Variants in RELN observed in about 807,000 individuals in gnomAD.
RELN encodes the protein reelin.
A neutral mutation model predicts 427.6 loss-of-function variants in RELN; 108 were observed. The observed-to-expected ratio is 0.25, with a 90% CI of 0.22 to 0.30. The LOEUF is 0.30. Ranked by LOEUF, RELN falls within the 10% of genes least tolerant of loss-of-function variation. The pLI is 1.00. For synonymous variants in RELN, 1,524 were observed against 1,513.4 expected (o/e 1.01, Z -0.16); for missense variants, 3,715 against 4,302.8 (o/e 0.86, Z 3.82).
At chr7:103,696,750 G>A (rs528665766) in intron 10 of RELN, among the ~76,000 whole-genome samples, 79 of 151,992 alleles carry the variant, frequency 5.2e-4, no homozygotes, top group African/African-American at 1.9e-3. Flanking sequence ...CCTCCTATTT[G>A]GTCTCTCTGC....
chr7:103,967,738 T>C (rs896786763), intron 1 of RELN, among the ~76,000 whole-genome samples: 1 of 152,202 alleles, frequency 6.6e-6, no homozygotes, highest in Non-Finnish European at 1.5e-5. Flanking sequence ...TTCACAAAAC[T>C]TTTCCCACAA....
intron 40 of RELN, among the ~76,000 whole-genome samples, chr7:103,552,983 A>G (rs142499613): frequency 0.011 from 1,599 of 152,254 alleles, 20 homozygotes; most frequent in Admixed American, 0.026. Context: ...TGACAAATAA[A>G]AGGAGTGCAT....
rs534420597 is a variant in RELN at position 103,620,106 on chromosome 7, T to C, written c.2703-8303A>G. Among the ~76,000 whole-genome samples the C allele has an allele frequency of 1.3e-5, 2 of 152,270 alleles. No individual in the cohort carries two copies. Among genetic ancestry groups the C allele is most frequent in the African/African-American group, 2.4e-5 (1 of 41,562 alleles). On this transcript the variant is annotated intron_variant, in intron 20 of 64. Coordinates refer to ENST00000428762, the MANE Select transcript of RELN (RefSeq NM_005045.4). This position sits in a 1 kb window ranked among gnomAD's most constrained non-coding sequence, Gnocchi z 4.1. ...GATCCAGTGGGAGATAACTGAATGA[T>C]GGGGATGGGTTCACCCATACTGTTC...
Position 103,963,175 on chromosome 7 carries a change from C to G in RELN, c.226+25956G>C, listed in dbSNP as rs540479170. 5.1e-5 allele frequency among the ~76,000 whole-genome samples: 7 copies of G among 136,400 alleles called. No homozygotes were observed. The South Asian group carries it at 1.4e-3, about 27-fold the overall frequency. 89.5% of individuals were successfully genotyped at this position (136,400 alleles called of 152,430 possible). On this transcript the variant is annotated intron_variant, in intron 1 of 64. Transcript: ENST00000428762. ...TGGCGCTTTCTACTCATTTCTCTTC[C>G]TCCTCATTCCTCTGTCTTCGCTTTG...
chr7:103,763,177 T>G (rs1482675978), intron 4 of RELN, among the ~76,000 whole-genome samples: 1 of 152,204 alleles, frequency 6.6e-6, no homozygotes, highest in African/African-American at 2.4e-5. Flanking sequence ...CTACTCCTAG[T>G]AAAGTTCATC....
Position 103,483,864 on chromosome 7 carries a change from G to A in RELN, c.9984-14C>T. On this transcript the variant is annotated splice_polypyrimidine_tract_variant and intron_variant, in intron 61 of 64. Transcript: ENST00000428762. ...AACATGATTTTGCTGAAAAACACAG[G>A]GAAATCATCTTTATTTTTATTTATT... 1 of 1,611,830 alleles carries A rather than the reference G, an allele frequency of 6.2e-7. No individual in the cohort carries two copies.
At chr7:103,863,335 C>G (rs544891697) in intron 2 of RELN, among the ~76,000 whole-genome samples, 7 of 152,206 alleles carry the variant, frequency 4.6e-5, no homozygotes, top group African/African-American at 1.7e-4. Flanking sequence ...GGAAAGGGCC[C>G]TGGAAGCATC....
At chr7:103,552,241 G>T (rs1399635187) in intron 40 of RELN, among the ~76,000 whole-genome samples, 1 of 151,944 alleles carries the variant, frequency 6.6e-6, no homozygotes, top group African/African-American at 2.4e-5. Context: ...ATAAATGCAC[G>T]CAATTCTTTC....
At chr7:103,613,650 T>A (rs949356469) in intron 20 of RELN, among the ~76,000 whole-genome samples, 1 of 152,188 alleles carries the variant, frequency 6.6e-6, no homozygotes, top group Non-Finnish European at 1.5e-5. Flanking sequence ...TCTAAAATCC[T>A]TTATGAGGAA....
chr7:103,876,437 A>G (rs2116545251), intron 2 of RELN, among the ~76,000 whole-genome samples: 1 of 152,304 alleles, frequency 6.6e-6, no homozygotes, highest in Non-Finnish European at 1.5e-5. Context: ...TGTCCTTCCA[A>G]AAGTATTTAT....
In RELN at chr7:103,471,977, T is replaced by C. The variant is rs535700531; in HGVS notation, c.*835A>G. ...AAAACAATCCACGAAGAAAACACAA[T>C]GAAAAAACAACCACTGTTTTACAAA... On this transcript the variant is annotated 3_prime_UTR_variant, in exon 65 of 65. Transcript: ENST00000428762. 5.3e-5 allele frequency: 8 copies of C among 152,374 alleles called. No individual in the cohort carries two copies. The highest frequency in any genetic ancestry group is 1.9e-4 in the African/African-American group (8 of 41,446). The allele number at this position is 152,374 out of a possible 1,614,324, so 9.4% of individuals were successfully genotyped here. A position where few individuals can be genotyped will look rare whatever the true frequency, so the allele number is the denominator to read the frequency against.
At chr7:103,950,358 A>T (rs1796308601) in intron 1 of RELN, among the ~76,000 whole-genome samples, 1 of 152,192 alleles carries the variant, frequency 6.6e-6, no homozygotes, top group South Asian at 2.1e-4. Flanking sequence ...ATTATAATTT[A>T]ATGAGATTTT....
At chr7:103,582,262 T>C (rs759117665) in intron 28 of RELN, among the ~76,000 whole-genome samples, 25 of 152,320 alleles carry the variant, frequency 1.6e-4, no homozygotes, top group Non-Finnish European at 2.4e-4. Flanking sequence ...TGAACTTCTA[T>C]ATTGTTGAAA....
rs71519158 is a variant in RELN, at chr7:103,772,312, A to AAATG, written c.544+4241_544+4244dup. 6.8e-3 allele frequency among the ~76,000 whole-genome samples: 1,027 copies of AAATG among 150,290 alleles called. 8 individuals carry two copies. Among genetic ancestry groups the AAATG allele is most frequent in the African/African-American group, 0.015 (615 of 40,386 alleles). On this transcript the variant is annotated intron_variant, in intron 4 of 64. Coordinates refer to ENST00000428762, the MANE Select transcript of RELN (RefSeq NM_005045.4). ...TGACAACATGCAATAAATAGTTGTCAAATGAATGAATGAATGAATGAATGA... is the reference window on the plus strand; with the variant it reads ...TGACAACATGCAATAAATAGTTGTCAAATGAATGAATGAATGAATGAATGAATGA...
At chr7:103,686,577 G>GT (rs112378708) in intron 10 of RELN, among the ~76,000 whole-genome samples, 5,770 of 152,168 alleles carry the variant, frequency 0.038, 379 homozygotes, top group African/African-American at 0.13. Context: ...AAATGGCATT[G>GT]TTGGCAGAGT....
intron 2 of RELN, among the ~76,000 whole-genome samples, chr7:103,916,331 G>A (rs563417138): frequency 1.2e-4 from 19 of 152,286 alleles, no homozygotes; most frequent in African/African-American, 4.6e-4. Flanking sequence ...ATCTATAGAT[G>A]AAGTCCTGTG....
At chr7:103,599,562 T>G (rs989205826) in intron 24 of RELN, among the ~76,000 whole-genome samples, 6 of 152,140 alleles carry the variant, frequency 3.9e-5, no homozygotes, top group African/African-American at 1.4e-4. Context: ...CTGCTTGGTA[T>G]TGTGAGGATG....
intron 2 of RELN, among the ~76,000 whole-genome samples, chr7:103,842,155 G>A (rs1360156341): frequency 6.6e-6 from 1 of 151,920 alleles, no homozygotes; most frequent in Non-Finnish European, 1.5e-5. Flanking sequence ...CATAAGAAGT[G>A]TAAGCTAAGA....
Position 103,834,478 on chromosome 7 carries a change from T to C in RELN, c.338-806A>G, listed in dbSNP as rs186084065. 1.6e-3 allele frequency among the ~76,000 whole-genome samples: 242 copies of C among 152,288 alleles called. 1 individual carries two copies. Among genetic ancestry groups the C allele is most frequent in the African/African-American group, 5.7e-3 (235 of 41,562 alleles). ...CTTGCTCATGTTCAAAATGAGAACATCATGGCCTAGCTGTGAACAGGTCAG... is the reference window on the plus strand; with the variant it reads ...CTTGCTCATGTTCAAAATGAGAACACCATGGCCTAGCTGTGAACAGGTCAG... On this transcript the variant is annotated intron_variant, in intron 2 of 64. Coordinates refer to ENST00000428762, the MANE Select transcript of RELN (RefSeq NM_005045.4).
Sources: gnomAD v4.1 joint callset for allele counts (sites outside exome capture counted in the v4.1 genomes callset) on GRCh38, gnomAD v4.1.1 for gene constraint, Gnocchi (gnomAD v3.1) non-coding constraint, MANE v1.5 for transcripts, NCBI Gene and HGNC (gene_info 2026-07-23, HGNC 2026-07-21) for gene names.